Variants in GRAMD1A observed in about 807,000 individuals in gnomAD.
The protein encoded by GRAMD1A is protein Aster-A.
In GRAMD1A, 50 loss-of-function variants were observed where a neutral mutation model predicts 92.0. The ratio of observed to expected loss-of-function variants is 0.54; its 90% confidence interval spans 0.43 to 0.69. The LOEUF (loss-of-function observed/expected upper bound fraction) is 0.69, where lower values mean the gene tolerates loss of function less well. Ranked by LOEUF, GRAMD1A falls within the 30% of genes least tolerant of loss-of-function variation. The pLI is 0.00. For missense variants in GRAMD1A, 819 were observed against 978.9 expected (o/e 0.84, Z 2.18); for synonymous variants, 405 against 403.6 (o/e 1.00, Z -0.04).
In GRAMD1A at chr19:35,009,439, A is replaced by G. The variant is rs200055640; in HGVS notation, c.236A>G (p.Tyr79Cys). 7.2e-5 allele frequency: 116 copies of G among 1,613,722 alleles called. 1 individual carries two copies. The highest frequency in any genetic ancestry group is 5.1e-6 in the Non-Finnish European group (6 of 1,179,996). ...IRNSKKMQSW[Y>C]SMLSPTYKQR... Reference sequence around the variant, plus strand: ...TCTTTGCAGAAGATGCAGAGCTGGTACAGTGTAAGTGTCTGGGCAAGGGGC... The same window carrying G: ...TCTTTGCAGAAGATGCAGAGCTGGTGCAGTGTAAGTGTCTGGGCAAGGGGC... Residue 79 changes from tyrosine to cysteine, a missense_variant, in exon 3 of 20, where the codon TAC (tyrosine) becomes TGC (cysteine). Tyr to Cys is a radical substitution (Grantham distance 194). This residue lies in a region of GRAMD1A where 144 missense variants were observed against 220.3 expected (regional missense o/e 0.65). Transcript: ENST00000317991.
In GRAMD1A at chr19:35,013,350, T is replaced by C. The variant is rs770765265; in HGVS notation, c.701T>C (p.Leu234Ser). The C allele has an allele frequency of 3.9e-6, 6 of 1,554,144 alleles. No homozygotes were observed. In the East Asian group the frequency reaches 1.4e-4, roughly 37 times the overall value. Reference protein sequence around the residue: ...TSEDEDYVSPLQLNGLGTPKE... With the variant: ...TSEDEDYVSPSQLNGLGTPKE... ...GAGGATGAGGACTATGTCTCCCCCTTGCAGCTGAACGGTCTGGGGTGAGTT... is the reference window on the plus strand; with the variant it reads ...GAGGATGAGGACTATGTCTCCCCCTCGCAGCTGAACGGTCTGGGGTGAGTT... The change falls in exon 8 of 20, where the codon TTG becomes TCG. Residue 234 changes from leucine to serine, a missense_variant. Coordinates refer to ENST00000317991, the MANE Select transcript of GRAMD1A (RefSeq NM_020895.5). The surrounding 1 kb of genome is among the most constrained non-coding windows in gnomAD (Gnocchi z 4.9).
intron 7 of GRAMD1A, 54 bp downstream of exon 7, chr19:35,011,608 A>C: frequency 7.7e-7 from 1 of 1,294,006 alleles, no homozygotes; most frequent in Non-Finnish European, 1.1e-6. Context: ...GGGACCATGG[A>C]GCCAGGGACC....
Position 35,010,387 on chromosome 19 carries a change from A to G in GRAMD1A, c.525+8A>G. The G allele has an allele frequency of 6.2e-7, 1 of 1,600,464 alleles. No homozygotes were observed. The highest frequency in any genetic ancestry group is 8.6e-7 in the Non-Finnish European group (1 of 1,167,392). On this transcript the variant is annotated splice_region_variant and intron_variant, in intron 6 of 19. Transcript: ENST00000317991. ...TGCACGGAGAGCGAGAAGGTGACGG[A>G]GGACCCGGTGACGGGACCACGCGGT...
chr19:35,023,351 G>C lies in GRAMD1A; in HGVS notation c.1961+8G>C, dbSNP rs374800767. 6.8e-6 allele frequency: 11 copies of C among 1,613,848 alleles called. No homozygotes were observed. In the African/African-American group the frequency reaches 1.5e-4, roughly 22 times the overall value. On this transcript the variant is annotated splice_region_variant and intron_variant, in intron 18 of 19. Coordinates refer to ENST00000317991, the MANE Select transcript of GRAMD1A (RefSeq NM_020895.5). ...CCTGGCCCTGGCCAAGGGGTGAGTG[G>C]GTAGCCTGGGGAAATGGGGGGGCTT...
intron 11 of GRAMD1A, among the ~76,000 whole-genome samples, chr19:35,017,356 C>T (rs187151236): frequency 1.1e-3 from 166 of 152,262 alleles, no homozygotes; most frequent in Admixed American, 2.4e-3. Flanking sequence ...CACGCCAGCC[C>T]TTTTAGGACA....
At chr19:35,020,284 A>G (rs1473264192) in intron 13 of GRAMD1A, among the ~76,000 whole-genome samples, 1 of 152,184 alleles carries the variant, frequency 6.6e-6, no homozygotes, top group East Asian at 1.9e-4. Flanking sequence ...TACGCCTGTA[A>G]TCCCAGCAAT....
rs1000548740 is a variant in GRAMD1A at position 35,021,333 on chromosome 19, G to A, written c.1476-169G>A. Among the ~76,000 whole-genome samples the A allele has an allele frequency of 1.3e-5, 2 of 152,172 alleles. No individual in the cohort carries two copies. The highest frequency in any genetic ancestry group is 4.8e-5 in the African/African-American group (2 of 41,446). On this transcript the variant is annotated intron_variant, in intron 13 of 19. Transcript: ENST00000317991. The surrounding 1 kb of genome is among the most constrained non-coding windows in gnomAD (Gnocchi z 5.3). ...CTGGCATTTGGGCTGGGCGGGTGGTGTATGGGGTATCCAGGGAAGCCATGG... is the reference window on the plus strand; with the variant it reads ...CTGGCATTTGGGCTGGGCGGGTGGTATATGGGGTATCCAGGGAAGCCATGG...
Position 35,013,826 on chromosome 19 carries a change from A to G in GRAMD1A, c.870+135A>G. ...GGACAGGGGAGGCCTGGATGGAGGA[A>G]CAGGACAGGGAGGGGAAGACGGACA... is the stretch of plus-strand genomic sequence containing the variant. On this transcript the variant is annotated intron_variant, in intron 9 of 19. Transcript: ENST00000317991. This position sits in a 1 kb window ranked among gnomAD's most constrained non-coding sequence, Gnocchi z 4.9. 1 of 853,308 alleles carries G rather than the reference A, an allele frequency of 1.2e-6. No individual in the cohort carries two copies. The highest frequency in any genetic ancestry group is 2.6e-5 in the East Asian group (1 of 38,558). 52.9% of individuals were successfully genotyped at this position (853,308 alleles called of 1,614,324 possible).
intron 6 of GRAMD1A, 157 bp downstream of exon 6, chr19:35,010,536 G>A (rs2015156650): frequency 1.6e-6 from 1 of 618,378 alleles, no homozygotes; most frequent in African/African-American, 1.8e-5. Context: ...CCCCTGACCT[G>A]ATCCCCGCAC....
intron 13 of GRAMD1A, among the ~76,000 whole-genome samples, chr19:35,019,893 C>T (rs867480312): frequency 3.9e-5 from 6 of 152,154 alleles, no homozygotes; most frequent in African/African-American, 1.2e-4. Context: ...GAGGAAAACA[C>T]GGCAGGCTAA....
intron 19 of GRAMD1A, among the ~76,000 whole-genome samples, chr19:35,024,042 G>T (rs1433356928): frequency 6.6e-6 from 1 of 152,226 alleles, no homozygotes; most frequent in Non-Finnish European, 1.5e-5. Flanking sequence ...GTCTGAAGGG[G>T]AGAGACTCTC....
At chr19:35,011,584 G>C in intron 7 of GRAMD1A, 30 bp downstream of exon 7, 1 of 1,526,292 alleles carries the variant, frequency 6.6e-7, no homozygotes, top group Non-Finnish European at 9.0e-7. Context: ...GGGTGGGGAT[G>C]GGGGGTTTCC....
chr19:35,017,090 G>C (rs1250500126), intron 11 of GRAMD1A, among the ~76,000 whole-genome samples: 1 of 150,746 alleles, frequency 6.6e-6, no homozygotes, highest in Non-Finnish European at 1.5e-5. Context: ...TGAGAGAATT[G>C]CTTGAACCCA....
rs746737174 is a variant in GRAMD1A at position 35,021,571 on chromosome 19, G to A, written c.1545G>A (p.Ser515=). Residue 515 remains serine, a synonymous_variant, in exon 14 of 20, where the codon TCG becomes TCA. Transcript: ENST00000317991. This position sits in a 1 kb window ranked among gnomAD's most constrained non-coding sequence, Gnocchi z 5.3. ...TGAAGTCGCTCATTGAGAAGAACTC[G>A]TGGAGCGGCATTGAAGACTATTTCC... ...SLVKSLIEKN[S]WSGIEDYFHH... is the part of the protein sequence containing the mutation. 8 of 1,613,940 alleles carry A rather than the reference G, an allele frequency of 5.0e-6. No individual in the cohort carries two copies. The highest frequency in any genetic ancestry group is 1.7e-5 in the Admixed American group (1 of 60,008).
upstream of GRAMD1A, chr19:34,999,514 G>T (rs2014195757): frequency 1.3e-5 from 2 of 152,170 alleles, no homozygotes; most frequent in Admixed American, 1.3e-4. Context: ...GACGGGGCGG[G>T]GGAGGGGGGA....
chr19:34,996,269 C>T (rs2151691731), upstream of GRAMD1A: 2 of 1,533,398 alleles, frequency 1.3e-6, no homozygotes, highest in East Asian at 2.4e-5. Flanking sequence ...GATGCCAGAC[C>T]CGCAGAGTCT....
chr19:35,019,589 T>G (rs1378022611), intron 13 of GRAMD1A, 56 bp downstream of exon 13: 2 of 1,550,966 alleles, frequency 1.3e-6, no homozygotes, highest in East Asian at 4.5e-5. Flanking sequence ...GGGCCTCCTG[T>G]CCACTCCTCA....
Position 35,010,057 on chromosome 19 carries a change from T to C in GRAMD1A, c.326-35T>C, listed in dbSNP as rs1407187924. On this transcript the variant is annotated intron_variant, in intron 4 of 19. Coordinates refer to ENST00000317991, the MANE Select transcript of GRAMD1A (RefSeq NM_020895.5). ...GCGGGCGCCGGCTGAGCCTCGTGAC[T>C]TGGGTGTCCTCCTGTCTCTCCCCGC... 3.2e-6 allele frequency: 5 copies of C among 1,540,340 alleles called. No homozygotes were observed. In the Admixed American group the frequency reaches 8.3e-5, roughly 26 times the overall value.
chr19:35,023,779 A>C, intron 19 of GRAMD1A: 3 of 453,240 alleles, frequency 6.6e-6, no homozygotes, highest in Non-Finnish European at 1.2e-5. Context: ...GAGGCGTCTC[A>C]CATTAGGCAC....
Sources: allele counts gnomAD v4.1 joint callset (sites outside exome capture counted in the v4.1 genomes callset), GRCh38; gene constraint gnomAD v4.1.1; regional missense constraint gnomAD v4.1.1; non-coding constraint Gnocchi (gnomAD v3.1); transcripts MANE v1.5; gene names NCBI Gene and HGNC (gene_info 2026-07-23, HGNC 2026-07-21).